Variants in VWA3B observed in about 807,000 individuals in gnomAD.
VWA3B encodes the protein von Willebrand factor A domain-containing protein 3B.
VWA3B carries 138 observed loss-of-function variants against 158.3 expected under a neutral mutation model. The ratio of observed to expected loss-of-function variants is 0.87; its 90% CI spans 0.76 to 1.00. VWA3B has a LOEUF of 1.00. Among genes scored for constraint, VWA3B ranks in the 50% least tolerant of loss-of-function variants. The pLI is 0.00. For synonymous variants in VWA3B, 596 were observed against 587.3 expected (o/e 1.01, Z -0.21); for missense variants, 1,555 against 1,565.1 (o/e 0.99, Z 0.11).
intron 19 of VWA3B, among the ~76,000 whole-genome samples, chr2:98,240,308 A>G (rs1685991527): frequency 6.6e-6 from 1 of 152,228 alleles, no homozygotes; most frequent in Admixed American, 6.5e-5. Context: ...CCATACAGGT[A>G]GATGGTCTCA....
intron 21 of VWA3B, chr2:98,269,345 C>G (rs1574243920): frequency 6.6e-6 from 1 of 152,046 alleles, no homozygotes; most frequent in African/African-American, 2.4e-5. Context: ...CTTTCAGGAG[C>G]CTGTAATATC....
At chr2:98,314,450 G>A (rs1691045806), downstream of VWA3B, among the ~76,000 whole-genome samples, 1 of 152,190 alleles carries the variant, frequency 6.6e-6, no homozygotes, top group South Asian at 2.1e-4. Context: ...TTATTCATGG[G>A]GCATCGGATA....
chr2:98,131,141 A>G (rs1675838371), intron 6 of VWA3B, among the ~76,000 whole-genome samples: 1 of 152,150 alleles, frequency 6.6e-6, no homozygotes, highest in Non-Finnish European at 1.5e-5. Context: ...GGTATTTATC[A>G]TTCTACTCTC....
intron 10 of VWA3B, among the ~76,000 whole-genome samples, chr2:98,190,004 C>A (rs1254369426): frequency 6.6e-6 from 1 of 152,064 alleles, no homozygotes; most frequent in Non-Finnish European, 1.5e-5. Flanking sequence ...TTAATCCAAC[C>A]TAACAATCTT....
At chr2:98,096,999 A>G (rs201764982) in intron 2 of VWA3B, among the ~76,000 whole-genome samples, 1 of 152,164 alleles carries the variant, frequency 6.6e-6, no homozygotes, top group African/African-American at 2.4e-5. Flanking sequence ...GTTTATTGCT[A>G]TAAACTTTCC....
rs1250634470 is a variant in VWA3B, at chr2:98,241,443, G to A, written c.2673+4713G>A. Among the ~76,000 whole-genome samples, 7 of 151,832 alleles carry A rather than the reference G, an allele frequency of 4.6e-5. 1 individual carries two copies. The highest frequency in any genetic ancestry group is 1.7e-4 in the African/African-American group (7 of 41,278). ...GAGGCGGGCAGTCAGGAGGCAGTTG[G>A]GGAGATGGGGGCAGTCAGGAGGCAG... On this transcript the variant is annotated intron_variant, in intron 19 of 27. Transcript: ENST00000477737.
chr2:98,284,140 A>C (rs1010089499), intron 22 of VWA3B, among the ~76,000 whole-genome samples: 7 of 152,224 alleles, frequency 4.6e-5, no homozygotes, highest in Non-Finnish European at 7.3e-5. Flanking sequence ...AAACAAAAGA[A>C]TATAGTTCAC....
chr2:98,271,312 T>C (rs1031414987), intron 22 of VWA3B, among the ~76,000 whole-genome samples: 1 of 152,158 alleles, frequency 6.6e-6, no homozygotes, highest in African/African-American at 2.4e-5. Context: ...GAAATGAACA[T>C]GTGAAGTGCT....
chr2:98,179,782 TTTCTTTTCTTTC>T (rs1460621107), intron 8 of VWA3B, among the ~76,000 whole-genome samples: 2 of 73,350 alleles, frequency 2.7e-5, no homozygotes, highest in African/African-American at 8.6e-5. Flanking sequence ...TTTCTTTCTC[TTTCTTTTCTTTC>T]TTTCTTTCTT....
At chr2:98,096,756 C>T (rs569741364) in intron 2 of VWA3B, among the ~76,000 whole-genome samples, 1 of 152,254 alleles carries the variant, frequency 6.6e-6, no homozygotes, top group Admixed American at 6.5e-5. Flanking sequence ...TCTGTGGCAT[C>T]AGTTGTAATT....
At position 98,277,470 on chromosome 2, in the gene VWA3B, G is replaced by T. The variant is rs906465087; in HGVS notation, c.3045+6587G>T. 2.0e-5 allele frequency among the ~76,000 whole-genome samples: 3 copies of T among 152,158 alleles called. No homozygotes were observed. In the East Asian group the frequency reaches 5.8e-4, roughly 29 times the overall value. On this transcript the variant is annotated intron_variant, in intron 22 of 27. Coordinates refer to ENST00000477737, the MANE Select transcript of VWA3B (RefSeq NM_144992.5). ...ATTGTTCTCCAGGGCAAATCCTTTGGCCCAGAAAGATCAAAAAGGCTCTCT... is the reference window on the plus strand; with the variant it reads ...ATTGTTCTCCAGGGCAAATCCTTTGTCCCAGAAAGATCAAAAAGGCTCTCT...
intron 2 of VWA3B, among the ~76,000 whole-genome samples, chr2:98,096,259 C>T (rs1055010194): frequency 1.3e-5 from 2 of 151,308 alleles, no homozygotes; most frequent in South Asian, 4.2e-4. Context: ...GTGGGCTTTT[C>T]TTTGCTGGGA....
At chr2:98,119,869 G>A (rs1674834284) in intron 4 of VWA3B, 106 bp downstream of exon 4, 2 of 1,381,810 alleles carry the variant, frequency 1.4e-6, no homozygotes, top group East Asian at 2.3e-5. Context: ...GGTGAGGGAA[G>A]AGGCATTATC....
chr2:98,091,836 A>G (rs1345255282), intron 1 of VWA3B, among the ~76,000 whole-genome samples: 2 of 152,242 alleles, frequency 1.3e-5, no homozygotes, highest in East Asian at 1.9e-4. Flanking sequence ...GTTTACATGC[A>G]TTGTGAATTC....
intron 22 of VWA3B, among the ~76,000 whole-genome samples, chr2:98,285,909 G>A (rs1174772831): frequency 1.3e-5 from 2 of 152,036 alleles, no homozygotes; most frequent in Non-Finnish European, 2.9e-5. Flanking sequence ...TCCAATCCAT[G>A]AACATGGTAT....
At chr2:98,289,433 C>T (rs1054934603) in intron 22 of VWA3B, among the ~76,000 whole-genome samples, 12 of 152,020 alleles carry the variant, frequency 7.9e-5, no homozygotes, top group South Asian at 2.1e-4. Flanking sequence ...ATTGATAGTT[C>T]GCCTGGGTTT....
intron 8 of VWA3B, among the ~76,000 whole-genome samples, chr2:98,171,425 G>C (rs1418798700): frequency 1.3e-5 from 2 of 152,160 alleles, no homozygotes; most frequent in African/African-American, 2.4e-5. Context: ...ATGGGAGAGA[G>C]CCGGGAGTGT....
intron 25 of VWA3B, among the ~76,000 whole-genome samples, chr2:98,302,583 G>A (rs564492951): frequency 1.4e-4 from 22 of 152,250 alleles, no homozygotes; most frequent in African/African-American, 4.8e-4. Context: ...TCCAATCCAA[G>A]CGCTTTACAC....
intron 19 of VWA3B, chr2:98,245,405 C>T: frequency 2.7e-6 from 1 of 376,146 alleles, no homozygotes; most frequent in Non-Finnish European, 5.2e-6. Flanking sequence ...GAAAACATTT[C>T]CTGTGATCTC....
Sources: gnomAD v4.1 joint callset for allele counts (sites outside exome capture counted in the v4.1 genomes callset) on GRCh38, gnomAD v4.1.1 for gene constraint, MANE v1.5 for transcripts, NCBI Gene and HGNC (gene_info 2026-07-23, HGNC 2026-07-21) for gene names.